The following CARMIL1 variants were observed in gnomAD, a reference collection of about 807,000 sequenced individuals.
CARMIL1 encodes the protein F-actin-uncapping protein LRRC16A.
In CARMIL1, 90 loss-of-function variants were observed where a neutral mutation model predicts 177.1. That is an observed-to-expected ratio of 0.51 (90% CI 0.43 to 0.61). The LOEUF (loss-of-function observed/expected upper bound fraction) is 0.61, where lower values mean the gene tolerates loss of function less well. CARMIL1 is among the 20% of genes least tolerant of loss of function. The pLI, the probability that CARMIL1 is intolerant of heterozygous loss-of-function variation, is 0.00. For synonymous variants in CARMIL1, 577 were observed against 606.2 expected, an observed-to-expected ratio of 0.95 and a Z score of 0.71; for missense variants, 1,380 against 1,667.0, an observed-to-expected ratio of 0.83 and a Z score of 3.00.
intron 2 of CARMIL1, among the ~76,000 whole-genome samples, chr6:25,344,255 C>T (rs899572514): frequency 1.4e-4 from 22 of 152,244 alleles, no homozygotes; most frequent in African/African-American, 5.1e-4. Context: ...ATTGATCCAC[C>T]AGGTTTTTCA....
chr6:25,510,871 G>A, intron 20 of CARMIL1, 109 bp downstream of exon 20: 1 of 658,104 alleles, frequency 1.5e-6, no homozygotes, highest in Non-Finnish European at 2.6e-6. Context: ...TTATCAACGT[G>A]TACATTTTCC....
intron 24 of CARMIL1, among the ~76,000 whole-genome samples, chr6:25,535,576 T>A (rs1355464463): frequency 1.3e-5 from 2 of 152,166 alleles, no homozygotes; most frequent in African/African-American, 2.4e-5. Context: ...AACTGAACAC[T>A]ATAGGGTTAG....
chr6:25,329,211 T>TC (rs1291038544), intron 2 of CARMIL1, among the ~76,000 whole-genome samples: 2 of 151,966 alleles, frequency 1.3e-5, no homozygotes, highest in African/African-American at 4.8e-5. Flanking sequence ...GATTCCATCC[T>TC]CCCCCACCTT....
chr6:25,618,260 G>GTT (rs11371576), intron 36 of CARMIL1, among the ~76,000 whole-genome samples: 3,882 of 146,726 alleles, frequency 0.026, 110 homozygotes, highest in African/African-American at 0.065. Context: ...AGCAAGATAA[G>GTT]TTTTTTTTTT....
At chr6:25,318,148 TG>T (rs996431299) in intron 2 of CARMIL1, among the ~76,000 whole-genome samples, 14 of 152,172 alleles carry the variant, frequency 9.2e-5, no homozygotes, top group African/African-American at 3.4e-4. Context: ...GAGGAAGTTT[TG>T]GGCAAGAGTG....
In CARMIL1 at chr6:25,465,874, G is replaced by T; in HGVS notation, c.616G>T (p.Asp206Tyr). 6.2e-7 allele frequency: 1 copy of T among 1,607,286 alleles called. No homozygotes were observed. The highest frequency in any genetic ancestry group is 1.1e-5 in the South Asian group (1 of 90,900). Residue 206 changes from aspartate to tyrosine, a missense_variant and splice_region_variant, in exon 9 of 37, where the codon GAC (aspartate) becomes TAC (tyrosine). Coordinates refer to ENST00000329474, the MANE Select transcript of CARMIL1 (RefSeq NM_017640.6). ...GTACTTTGTTGTTTCTGCTTCCAGGGACCTAATACCTATCATTGCTGCTCT... is the reference window on the plus strand; with the variant it reads ...GTACTTTGTTGTTTCTGCTTCCAGGTACCTAATACCTATCATTGCTGCTCT... ...LQDFSHLDHR[D>Y]LIPIIAALEY...
chr6:25,422,505 T>C (rs893933419), intron 3 of CARMIL1, among the ~76,000 whole-genome samples: 1 of 152,172 alleles, frequency 6.6e-6, no homozygotes, highest in African/African-American at 2.4e-5. Context: ...TTAACTTTTA[T>C]AAAGTTTCTC....
chr6:25,387,828 T>A (rs1792330028), intron 2 of CARMIL1, among the ~76,000 whole-genome samples: 1 of 152,158 alleles, frequency 6.6e-6, no homozygotes, highest in South Asian at 2.1e-4. Context: ...AGGGAAAGCA[T>A]CGTATGAAAT....
At chr6:25,457,154 A>G (rs1294786745) in intron 8 of CARMIL1, among the ~76,000 whole-genome samples, 1 of 152,184 alleles carries the variant, frequency 6.6e-6, no homozygotes, top group Non-Finnish European at 1.5e-5. Context: ...GGTGAACAAG[A>G]TGATGATATG....
At chr6:25,429,213 C>G (rs1366712169) in intron 4 of CARMIL1, among the ~76,000 whole-genome samples, 1 of 152,142 alleles carries the variant, frequency 6.6e-6, no homozygotes, top group African/African-American at 2.4e-5. Flanking sequence ...TTACTTCTTA[C>G]CATGAAAACA....
At chr6:25,442,297 C>T (rs549177477) in intron 5 of CARMIL1, among the ~76,000 whole-genome samples, 10 of 151,106 alleles carry the variant, frequency 6.6e-5, no homozygotes, top group African/African-American at 1.2e-4. Context: ...TTTTCTGAGT[C>T]TTGTGCAATT....
In CARMIL1 at chr6:25,510,580, C is replaced by G. The variant is rs567292798; in HGVS notation, c.1551C>G (p.Gly517=). The G allele has an allele frequency of 8.4e-6, 13 of 1,553,226 alleles. No homozygotes were observed. The South Asian group carries it at 1.3e-4, about 16-fold the overall frequency. Residue 517 remains glycine (G), a synonymous_variant, in exon 19 of 37, where the codon GGC becomes GGG. Transcript: ENST00000329474. The part of the protein sequence containing the change: ...KNRSIQHLAL[G]KNFNNMKSKN... The stretch of plus-strand genomic sequence containing the variant: ...GATCAATACAACACCTGGCGTTAGG[C>G]AAAAATTTTAATAATATGAAATCCA...
At chr6:25,335,698 C>T (rs984381359) in intron 2 of CARMIL1, among the ~76,000 whole-genome samples, 2 of 152,208 alleles carry the variant, frequency 1.3e-5, no homozygotes, top group Non-Finnish European at 2.9e-5. Flanking sequence ...TTTCAGAGAA[C>T]GCAGCACCTG....
At chr6:25,394,953 C>A (rs550919249) in intron 2 of CARMIL1, among the ~76,000 whole-genome samples, 1 of 152,078 alleles carries the variant, frequency 6.6e-6, no homozygotes, top group Non-Finnish European at 1.5e-5. Flanking sequence ...AAATATATTC[C>A]GATTAATGGT....
intron 31 of CARMIL1, among the ~76,000 whole-genome samples, chr6:25,590,763 G>A (rs1814214957): frequency 6.6e-6 from 1 of 151,854 alleles, no homozygotes. Flanking sequence ...TCATTTAATT[G>A]TTTATAGAAT....
rs952436125 is a variant in CARMIL1, at chr6:25,555,763, G to A, written c.2593-938G>A. Among the ~76,000 whole-genome samples the A allele has an allele frequency of 2.6e-5, 4 of 152,028 alleles. No individual in the cohort carries two copies. The East Asian group carries it at 5.8e-4, about 22-fold the overall frequency. ...ATTGATAACCCATGGCTCCAGGAAT[G>A]GCCTTAAAATGCTTACTTATGACAC... is the stretch of plus-strand genomic sequence containing the variant. On this transcript the variant is annotated intron_variant, in intron 28 of 36. Coordinates refer to ENST00000329474, the MANE Select transcript of CARMIL1 (RefSeq NM_017640.6).
chr6:25,602,774 A>G (rs1193242304), intron 33 of CARMIL1, among the ~76,000 whole-genome samples: 2 of 152,256 alleles, frequency 1.3e-5, no homozygotes, highest in Non-Finnish European at 2.9e-5. Flanking sequence ...TACTGTTGAT[A>G]AAATATATGA....
At chr6:25,586,846 C>A (rs986754655) in intron 31 of CARMIL1, among the ~76,000 whole-genome samples, 1 of 151,934 alleles carries the variant, frequency 6.6e-6, no homozygotes, top group Admixed American at 6.6e-5. Context: ...CCCAGGCACT[C>A]GGCAGGCTGA....
At chr6:25,506,845 A>G (rs1253417965) in intron 17 of CARMIL1, among the ~76,000 whole-genome samples, 1 of 152,190 alleles carries the variant, frequency 6.6e-6, no homozygotes, top group Non-Finnish European at 1.5e-5. Context: ...GATATTAAGG[A>G]AGGAAAGTAA....
Sources: allele counts gnomAD v4.1 joint callset (sites outside exome capture counted in the v4.1 genomes callset), GRCh38; gene constraint gnomAD v4.1.1; transcripts MANE v1.5; gene names NCBI Gene and HGNC (gene_info 2026-07-23, HGNC 2026-07-21).